VWA8: variants seen among roughly 807,000 people sequenced by gnomAD.
VWA8 encodes the protein von Willebrand factor A domain-containing protein 8.
VWA8 carries 221 observed loss-of-function variants against 241.5 expected under a neutral mutation model. The ratio of observed to expected loss-of-function variants is 0.91; its 90% confidence interval spans 0.82 to 1.02. The LOEUF (loss-of-function observed/expected upper bound fraction) is 1.02, where lower values mean the gene tolerates loss of function less well. VWA8 is among the 50% of genes least tolerant of loss of function. The pLI is 0.00. For synonymous variants in VWA8, 852 were observed against 827.1 expected, an observed-to-expected ratio of 1.03 and a Z score of -0.52; for missense variants, 2,322 against 2,328.7, an observed-to-expected ratio of 1.00 and a Z score of 0.06.
intron 12 of VWA8, among the ~76,000 whole-genome samples, chr13:41,842,102 A>G (rs1364930971): frequency 6.6e-6 from 1 of 151,992 alleles, no homozygotes; most frequent in Non-Finnish European, 1.5e-5. Flanking sequence ...TTTGTAATAC[A>G]GTATTAACTA....
At chr13:41,597,571 T>G (rs879520307) in intron 40 of VWA8, among the ~76,000 whole-genome samples, 5 of 152,162 alleles carry the variant, frequency 3.3e-5, no homozygotes, top group Non-Finnish European at 7.4e-5. Context: ...TGGATGGTGA[T>G]GTGGAACTAA....
At chr13:41,600,901 G>A (rs1163295687) in intron 40 of VWA8, among the ~76,000 whole-genome samples, 1 of 152,010 alleles carries the variant, frequency 6.6e-6, no homozygotes, top group Admixed American at 6.6e-5. Context: ...TGGCTCAGGT[G>A]CCTATCACTT....
chr13:41,570,498 A>C lies in VWA8; in HGVS notation c.5579T>G (p.Phe1860Cys). Residue 1860 changes from phenylalanine (F) to cysteine (C), a missense_variant, in exon 44 of 45, where the codon TTT becomes TGT. Coordinates refer to ENST00000379310, the MANE Select transcript of VWA8 (RefSeq NM_015058.2). ...RDPQVNAFAI[F>C]IGSLGDQATR... ...TGCTTGATCACCTAAAGAGCCAATA[A>C]AAATGGCAAAAGCATTTACTTGAGG... 1 of 1,614,230 alleles carries C rather than the reference A, an allele frequency of 6.2e-7. No individual in the cohort carries two copies. The highest frequency in any genetic ancestry group is 8.5e-7 in the Non-Finnish European group (1 of 1,180,032).
chr13:41,647,992 A>G (rs2044843081), intron 37 of VWA8, among the ~76,000 whole-genome samples: 1 of 147,460 alleles, frequency 6.8e-6, no homozygotes, highest in Non-Finnish European at 1.5e-5. Context: ...TTGTCTCAGG[A>G]AAAAAAAAAA....
chr13:41,654,002 G>A (rs2044885107), intron 37 of VWA8, among the ~76,000 whole-genome samples: 1 of 152,044 alleles, frequency 6.6e-6, no homozygotes. Context: ...CCTTGGCAAA[G>A]AATTTATGAC....
At chr13:41,687,918 C>T (rs1719999347) in intron 34 of VWA8, among the ~76,000 whole-genome samples, 1 of 152,050 alleles carries the variant, frequency 6.6e-6, no homozygotes, top group South Asian at 2.1e-4. Flanking sequence ...CTTAACTTAG[C>T]TTTTATTTTC....
rs1222286805 is a variant in VWA8, at chr13:41,787,490, G to A, written c.2117C>T (p.Thr706Ile). The A allele has an allele frequency of 1.2e-6, 2 of 1,612,398 alleles. No individual in the cohort carries two copies. Among genetic ancestry groups the A allele is most frequent in the Non-Finnish European group, 1.7e-6 (2 of 1,179,280 alleles). ...ATTGTCATCAGTATTTATTTCTATT[G>A]TAGCATCTGCCAGATTTTTTTCTAA... ...SALEKNLADA[T>I]IEINTDDNLE... Residue 706 changes from threonine (T) to isoleucine (I), a missense_variant, in exon 18 of 45, where the codon ACA (threonine) becomes ATA (isoleucine). Transcript: ENST00000379310.
At chr13:41,570,214 T>C (rs2044291307) in intron 44 of VWA8, among the ~76,000 whole-genome samples, 1 of 152,204 alleles carries the variant, frequency 6.6e-6, no homozygotes, top group Admixed American at 6.5e-5. Context: ...ACAAATCAAT[T>C]TGTCAATGAT....
intron 26 of VWA8, among the ~76,000 whole-genome samples, chr13:41,703,993 C>T (rs1431236191): frequency 2.0e-5 from 3 of 152,162 alleles, no homozygotes; most frequent in East Asian, 3.9e-4. Flanking sequence ...GTCTCGACCT[C>T]AGGTGATCTG....
At chr13:41,646,899 G>A (rs983239448) in intron 37 of VWA8, among the ~76,000 whole-genome samples, 2 of 152,160 alleles carry the variant, frequency 1.3e-5, no homozygotes, top group African/African-American at 2.4e-5. Flanking sequence ...AGTGGCTCAC[G>A]TCTGAAAATG....
chr13:41,868,730 GAAAA>G (rs1370499015), intron 9 of VWA8, among the ~76,000 whole-genome samples: 1 of 151,040 alleles, frequency 6.6e-6, no homozygotes, highest in East Asian at 1.9e-4. Flanking sequence ...CTAAAAAATA[GAAAA>G]AAAATTAGCT....
At chr13:41,682,170 A>T (rs1299827859) in intron 35 of VWA8, among the ~76,000 whole-genome samples, 1 of 152,200 alleles carries the variant, frequency 6.6e-6, no homozygotes, top group East Asian at 1.9e-4. Flanking sequence ...AAAGGGATAG[A>T]CACATAGACC....
chr13:41,686,974 T>C (rs2045140709), intron 34 of VWA8, among the ~76,000 whole-genome samples: 1 of 152,142 alleles, frequency 6.6e-6, no homozygotes, highest in African/African-American at 2.4e-5. Flanking sequence ...TAGATGTCCT[T>C]ACCTTGCTTG....
At chr13:41,897,336 A>G (rs1321484784) in intron 4 of VWA8, among the ~76,000 whole-genome samples, 1 of 152,234 alleles carries the variant, frequency 6.6e-6, no homozygotes, top group Non-Finnish European at 1.5e-5. Context: ...GAGAAATGCA[A>G]TGAAAACCAC....
At chr13:41,788,890 C>T (rs769008152) in intron 17 of VWA8, among the ~76,000 whole-genome samples, 1 of 152,180 alleles carries the variant, frequency 6.6e-6, no homozygotes, top group Non-Finnish European at 1.5e-5. Context: ...CGTGTCAACA[C>T]ATCTTAATGT....
chr13:41,757,679 GA>G (rs1469870052), intron 21 of VWA8, among the ~76,000 whole-genome samples: 4 of 151,774 alleles, frequency 2.6e-5, no homozygotes, highest in African/African-American at 9.6e-5. Context: ...CCACTTATAA[GA>G]GAGAACATGT....
chr13:41,616,285 C>T (rs979298555), intron 37 of VWA8, among the ~76,000 whole-genome samples: 18 of 152,146 alleles, frequency 1.2e-4, no homozygotes, highest in Admixed American at 5.2e-4. Flanking sequence ...GTTATGACAT[C>T]GTAGGGATTT....
chr13:41,573,126 A>AT (rs2044321125), intron 43 of VWA8, among the ~76,000 whole-genome samples: 2 of 150,544 alleles, frequency 1.3e-5, no homozygotes, highest in Non-Finnish European at 3.0e-5. Flanking sequence ...AAAAAAAAAA[A>AT]AGAAACAAGC....
chr13:41,632,372 G>A (rs1457218516), intron 37 of VWA8, among the ~76,000 whole-genome samples: 4 of 152,088 alleles, frequency 2.6e-5, no homozygotes, highest in African/African-American at 9.7e-5. Flanking sequence ...AGGGAGGGTA[G>A]GTAGACAAGC....
Sources: gnomAD v4.1 joint callset for allele counts (sites outside exome capture counted in the v4.1 genomes callset) on GRCh38, gnomAD v4.1.1 for gene constraint, MANE v1.5 for transcripts, NCBI Gene and HGNC (gene_info 2026-07-23, HGNC 2026-07-21) for gene names.